The following GLMN variants were observed in gnomAD, a reference collection of about 807,000 sequenced individuals.
GLMN encodes glomulin.
In GLMN, 75 loss-of-function variants were observed where a neutral mutation model predicts 87.8. The observed-to-expected ratio is 0.85, with a 90% CI of 0.71 to 1.04. The LOEUF (loss-of-function observed/expected upper bound fraction) is 1.04. GLMN is among the 50% of genes least tolerant of loss of function. The pLI is 0.00. For synonymous variants in GLMN, 206 were observed against 221.6 expected (o/e 0.93, Z 0.63); for missense variants, 588 against 658.8 (o/e 0.89, Z 1.18).
chr1:92,248,184 A>C, intron 16 of GLMN, 195 bp from the exon 17 acceptor site: 1 of 527,000 alleles, frequency 1.9e-6, no homozygotes, highest in Non-Finnish European at 3.4e-6. Flanking sequence ...TTGGGGCACT[A>C]CGCTTATCAC....
the GLMN span, among the ~76,000 whole-genome samples, chr1:92,363,256 G>A: frequency 6.6e-6 from 1 of 152,124 alleles, no homozygotes; most frequent in African/African-American, 2.4e-5. Flanking sequence ...ACAGACTTAA[G>A]CATACGGTAT....
the GLMN span, chr1:92,304,475 C>G: frequency 2.3e-4 from 118 of 507,692 alleles, 2 homozygotes; most frequent in South Asian, 4.7e-3. Flanking sequence ...TAAAATCTTA[C>G]TGGTTAGAAA....
At chr1:92,369,728 A>G in the GLMN span, among the ~76,000 whole-genome samples, 1 of 152,188 alleles carries the variant, frequency 6.6e-6, no homozygotes, top group African/African-American at 2.4e-5. Flanking sequence ...AGTAATTAGT[A>G]TATCATAATT....
chr1:92,360,831 T>C, the GLMN span, among the ~76,000 whole-genome samples: 3 of 152,246 alleles, frequency 2.0e-5, no homozygotes, highest in South Asian at 2.1e-4. Context: ...CATTCATTAC[T>C]GTATTATTAG....
chr1:92,304,258 T>G, the GLMN span: 1 of 1,384,184 alleles, frequency 7.2e-7, no homozygotes, highest in African/African-American at 1.4e-5. Flanking sequence ...TGGATTCTTT[T>G]GTAAGCTGTA....
chr1:92,257,477 T>C (rs182217779), intron 16 of GLMN, among the ~76,000 whole-genome samples: 3 of 152,092 alleles, frequency 2.0e-5, no homozygotes, highest in Non-Finnish European at 4.4e-5. Context: ...GGAGGCATCA[T>C]GCTACCTGAC....
chr1:92,268,533 G>A (rs1235810843), intron 9 of GLMN, among the ~76,000 whole-genome samples: 1 of 152,142 alleles, frequency 6.6e-6, no homozygotes. Flanking sequence ...CAAGAATTTA[G>A]GACTTAGATT....
chr1:92,293,897 A>G (rs1013046102), intron 3 of GLMN, among the ~76,000 whole-genome samples: 10 of 152,152 alleles, frequency 6.6e-5, no homozygotes, highest in African/African-American at 2.4e-4. Flanking sequence ...GTGGGATCTG[A>G]AAACCAAAAC....
the GLMN span, among the ~76,000 whole-genome samples, chr1:92,348,775 C>T: frequency 4.6e-5 from 7 of 152,208 alleles, 1 homozygote; most frequent in South Asian, 1.5e-3. Flanking sequence ...GTTAAAACTC[C>T]ATTGACTTCT....
the GLMN span, among the ~76,000 whole-genome samples, chr1:92,326,946 C>T: frequency 6.6e-6 from 1 of 152,230 alleles, no homozygotes; most frequent in Non-Finnish European, 1.5e-5. Context: ...CAGATTCACA[C>T]CCTCCCTTGA....
At chr1:92,271,705 C>T (rs1656261894) in intron 7 of GLMN, 53 bp from the exon 8 acceptor site, 8 of 1,221,292 alleles carry the variant, frequency 6.6e-6, no homozygotes, top group South Asian at 2.4e-5. Flanking sequence ...AAAATGCCCC[C>T]CACCCCGTGT....
the GLMN span, among the ~76,000 whole-genome samples, chr1:92,307,724 T>C: frequency 2.4e-5 from 1 of 41,880 alleles, no homozygotes; most frequent in East Asian, 5.1e-3. Flanking sequence ...AATTAAAAAG[T>C]AATTTTTTTT....
the GLMN span, among the ~76,000 whole-genome samples, chr1:92,353,867 A>C: frequency 6.6e-6 from 1 of 152,198 alleles, no homozygotes; most frequent in Non-Finnish European, 1.5e-5. Flanking sequence ...GTTTCTAAAG[A>C]AATAATACTT....
chr1:92,303,364 A>G (rs1009882121), upstream of GLMN, among the ~76,000 whole-genome samples: 1 of 152,186 alleles, frequency 6.6e-6, no homozygotes. Context: ...AAACAGAAAA[A>G]CTTGTTAAAA....
chr1:92,299,164 T>A (rs1464514008), upstream of GLMN: 2 of 1,466,890 alleles, frequency 1.4e-6, no homozygotes, highest in East Asian at 5.4e-5. Context: ...CAAGGATCTC[T>A]TCCCACTTTT....
chr1:92,247,196 CAA>C (rs753584301), intron 17 of GLMN, 52 bp from the exon 18 acceptor site: 1 of 871,622 alleles, frequency 1.1e-6, no homozygotes, highest in Non-Finnish European at 2.0e-6. Context: ...ATTTCAATAA[CAA>C]AGGTATAAGC....
At position 92,284,892 on chromosome 1, in the gene GLMN, A is replaced by G. The variant is rs113221281; in HGVS notation, c.735+1598T>C. On this transcript the variant is annotated intron_variant, in intron 7 of 18. Transcript: ENST00000370360. ...GCTCATCATCACTGGTCATCAGAGA[A>G]ATGCAAATCAAAACCAGTGAGATAC... Among the ~76,000 whole-genome samples the G allele has an allele frequency of 5.1e-3, 774 of 152,354 alleles. 1 individual carries two copies. Among genetic ancestry groups the G allele is most frequent in the African/African-American group, 0.018 (739 of 41,582 alleles).
At chr1:92,318,097 T>C in the GLMN span, among the ~76,000 whole-genome samples, 1 of 152,250 alleles carries the variant, frequency 6.6e-6, no homozygotes, top group African/African-American at 2.4e-5. Flanking sequence ...ACTTTTGTTT[T>C]CTTGAGCTCT....
intron 7 of GLMN, among the ~76,000 whole-genome samples, chr1:92,284,471 C>T (rs959221791): frequency 6.6e-6 from 1 of 152,106 alleles, no homozygotes; most frequent in African/African-American, 2.4e-5. Context: ...AAAATTAACT[C>T]AAGATGGATT....
Sources: gnomAD v4.1 joint callset for allele counts (sites outside exome capture counted in the v4.1 genomes callset) on GRCh38, gnomAD v4.1.1 for gene constraint, MANE v1.5 for transcripts, NCBI Gene and HGNC (gene_info 2026-07-23, HGNC 2026-07-21) for gene names.